Variants in RABGAP1L observed in about 807,000 individuals in gnomAD.
The protein encoded by RABGAP1L is rab GTPase-activating protein 1-like.
A neutral mutation model predicts 137.7 loss-of-function variants in RABGAP1L; 63 were observed. That is an observed-to-expected ratio of 0.46 (90% confidence interval 0.37 to 0.56). RABGAP1L has a LOEUF of 0.56. Among genes scored for constraint, RABGAP1L ranks in the 20% least tolerant of loss-of-function variants. The pLI, the probability that RABGAP1L is intolerant of heterozygous loss-of-function variation, is 0.00. For missense variants in RABGAP1L, 1,095 were observed against 1,244.0 expected (o/e 0.88, Z 1.80); for synonymous variants, 431 against 433.7 (o/e 0.99, Z 0.08).
chr1:174,975,942 G>C (rs1386022853), intron 21 of RABGAP1L, 136 bp from the exon 22 acceptor site: 3 of 728,960 alleles, frequency 4.1e-6, no homozygotes, highest in African/African-American at 3.6e-5. Context: ...TCGCTTGGTT[G>C]AGCTAGGAGG....
intron 13 of RABGAP1L, among the ~76,000 whole-genome samples, chr1:174,558,424 T>G (rs1667013674): frequency 6.6e-6 from 1 of 152,220 alleles, no homozygotes; most frequent in Admixed American, 6.5e-5. Context: ...CCCAGTTTAA[T>G]CTTGTCTCAT....
chr1:174,744,148 C>T (rs1269922374), intron 17 of RABGAP1L, among the ~76,000 whole-genome samples: 1 of 146,784 alleles, frequency 6.8e-6, no homozygotes, highest in Non-Finnish European at 1.5e-5. Flanking sequence ...CAATCCTGAC[C>T]TCTAGTGGAC....
At chr1:174,229,088 C>G (rs1355662378) in intron 3 of RABGAP1L, among the ~76,000 whole-genome samples, 1 of 151,392 alleles carries the variant, frequency 6.6e-6, no homozygotes, top group Non-Finnish European at 1.5e-5. Flanking sequence ...ATTCATTCAT[C>G]AAAAATAATT....
chr1:174,470,564 C>T (rs993149553), intron 13 of RABGAP1L, among the ~76,000 whole-genome samples: 29 of 152,000 alleles, frequency 1.9e-4, no homozygotes, highest in African/African-American at 6.0e-4. Flanking sequence ...GTCAGGAGTT[C>T]GAGACCAGCC....
chr1:174,490,669 G>A (rs996439514), intron 13 of RABGAP1L, among the ~76,000 whole-genome samples: 1 of 152,144 alleles, frequency 6.6e-6, no homozygotes, highest in Non-Finnish European at 1.5e-5. Context: ...AGGGTAGTGA[G>A]TTCCCTTAGG....
chr1:174,496,492 G>A (rs1420070200), intron 13 of RABGAP1L, among the ~76,000 whole-genome samples: 3 of 152,196 alleles, frequency 2.0e-5, no homozygotes, highest in Admixed American at 1.3e-4. Flanking sequence ...CCTATAAACA[G>A]AGCATGGAGG....
intron 13 of RABGAP1L, among the ~76,000 whole-genome samples, chr1:174,503,948 C>T (rs1209104151): frequency 6.7e-6 from 1 of 149,282 alleles, no homozygotes; most frequent in Non-Finnish European, 1.5e-5. Flanking sequence ...AAACAATCTA[C>T]AGATTCAATA....
intron 13 of RABGAP1L, among the ~76,000 whole-genome samples, chr1:174,574,925 A>C (rs1199166374): frequency 1.3e-5 from 2 of 152,012 alleles, no homozygotes; most frequent in Non-Finnish European, 2.9e-5. Flanking sequence ...TTCTTTGAAA[A>C]GTTTGTTTGT....
chr1:174,729,829 G>A (rs1019670485), intron 17 of RABGAP1L, among the ~76,000 whole-genome samples: 1 of 152,142 alleles, frequency 6.6e-6, no homozygotes, highest in African/African-American at 2.4e-5. Flanking sequence ...ACAGATGCTG[G>A]TGATGCTGTG....
chr1:174,701,755 A>G (rs1679672045), intron 16 of RABGAP1L, among the ~76,000 whole-genome samples: 1 of 151,636 alleles, frequency 6.6e-6, no homozygotes, highest in Non-Finnish European at 1.5e-5. Flanking sequence ...AAAAAAAAAA[A>G]AAAAAATTTA....
chr1:174,321,709 A>G (rs1040647493), intron 11 of RABGAP1L, among the ~76,000 whole-genome samples: 16 of 152,188 alleles, frequency 1.1e-4, no homozygotes, highest in African/African-American at 3.6e-4. Flanking sequence ...CTACTTTTCC[A>G]TCCCTACCAG....
At chr1:174,650,353 T>C (rs1306896345) in intron 14 of RABGAP1L, among the ~76,000 whole-genome samples, 1 of 152,170 alleles carries the variant, frequency 6.6e-6, no homozygotes, top group East Asian at 1.9e-4. Context: ...CCTCATAAAA[T>C]GAGTTAGGGA....
intron 7 of RABGAP1L, among the ~76,000 whole-genome samples, chr1:174,270,756 T>C (rs1280601643): frequency 1.3e-5 from 2 of 152,142 alleles, no homozygotes; most frequent in Non-Finnish European, 1.5e-5. Flanking sequence ...TTACATACTT[T>C]GGTATTTGTT....
intron 13 of RABGAP1L, among the ~76,000 whole-genome samples, chr1:174,621,283 G>T (rs1157713684): frequency 6.6e-6 from 1 of 152,152 alleles, no homozygotes; most frequent in Non-Finnish European, 1.5e-5. Flanking sequence ...ACTCCCCAAG[G>T]TAATTTATAG....
chr1:174,308,150 A>AT (rs953755839), intron 11 of RABGAP1L, among the ~76,000 whole-genome samples: 3 of 150,520 alleles, frequency 2.0e-5, no homozygotes, highest in Admixed American at 1.3e-4. Context: ...GTCCATTTAA[A>AT]TTTTTTTTTC....
chr1:174,697,756 T>C (rs770814841), intron 15 of RABGAP1L, among the ~76,000 whole-genome samples: 3 of 152,212 alleles, frequency 2.0e-5, no homozygotes, highest in Non-Finnish European at 4.4e-5. Context: ...CTTGAGGCTT[T>C]GATGACAAAG....
At chr1:174,382,968 G>A (rs1482981315) in intron 12 of RABGAP1L, among the ~76,000 whole-genome samples, 3 of 149,396 alleles carry the variant, frequency 2.0e-5, no homozygotes, top group African/African-American at 4.9e-5. Flanking sequence ...ATGGGTTTTC[G>A]GTGTGGATGT....
intron 11 of RABGAP1L, among the ~76,000 whole-genome samples, chr1:174,349,955 G>A (rs1317479619): frequency 7.4e-6 from 1 of 135,174 alleles, no homozygotes; most frequent in Admixed American, 7.1e-5. Context: ...TGGCCGGGTG[G>A]GGGGGCTGAC....
chr1:174,193,680 G>A (rs1397924101), intron 1 of RABGAP1L, among the ~76,000 whole-genome samples: 3 of 152,114 alleles, frequency 2.0e-5, no homozygotes, highest in Admixed American at 2.0e-4. Context: ...TAAACAGAAT[G>A]CCAGGTAGAG....
Sources: gnomAD v4.1 joint callset for allele counts (sites outside exome capture counted in the v4.1 genomes callset) on GRCh38, gnomAD v4.1.1 for gene constraint, MANE v1.5 for transcripts, NCBI Gene and HGNC (gene_info 2026-07-23, HGNC 2026-07-21) for gene names.